The following FSD2 variants were observed in gnomAD, a reference collection of about 807,000 sequenced individuals.
FSD2 encodes the protein fibronectin type III and SPRY domain-containing protein 2.
In FSD2, 71 loss-of-function variants were observed where a neutral mutation model predicts 80.4. The ratio of observed to expected loss-of-function variants is 0.88; its 90% confidence interval spans 0.73 to 1.08. FSD2 has a LOEUF of 1.08. Among genes scored for constraint, FSD2 ranks in the 50% least tolerant of loss-of-function variants. The pLI, the probability that FSD2 is intolerant of heterozygous loss-of-function variation, is 0.00. For synonymous variants in FSD2, 361 were observed against 329.5 expected (o/e 1.10, Z -1.03); for missense variants, 923 against 913.8 (o/e 1.01, Z -0.13).
chr15:82,784,766 C>T (rs1243641082), intron 3 of FSD2, among the ~76,000 whole-genome samples: 5 of 152,016 alleles, frequency 3.3e-5, no homozygotes, highest in Non-Finnish European at 7.4e-5. Context: ...TGGTACCATC[C>T]GAAGCTGCAT....
chr15:82,765,393 C>A, intron 10 of FSD2, 95 bp from the exon 11 acceptor site: 1 of 1,529,818 alleles, frequency 6.5e-7, no homozygotes, highest in Non-Finnish European at 8.9e-7. Context: ...TGGGATACAC[C>A]TAAGCCTGGA....
intron 11 of FSD2, among the ~76,000 whole-genome samples, chr15:82,762,700 A>G (rs12914752): frequency 0.16 from 23,687 of 152,206 alleles, 2,386 homozygotes; most frequent in South Asian, 0.34. Flanking sequence ...TGAGGTAGCC[A>G]TCATGTTAGG....
intron 6 of FSD2, among the ~76,000 whole-genome samples, chr15:82,776,278 C>T (rs2049711096): frequency 6.6e-6 from 1 of 152,078 alleles, no homozygotes; most frequent in African/African-American, 2.4e-5. Context: ...CAGAGTGAAA[C>T]CCTATTTCAA....
intron 6 of FSD2, among the ~76,000 whole-genome samples, chr15:82,778,127 C>CATATATATATATATATATATATATAT (rs34527251): frequency 5.8e-4 from 49 of 83,922 alleles, no homozygotes; most frequent in Non-Finnish European, 7.4e-4. Flanking sequence ...ACAAAAAAAC[C>CATATATATATATATATATATATATAT]ATATATATAT....
chr15:82,794,164 G>A (rs1021939144), intron 1 of FSD2, among the ~76,000 whole-genome samples: 1 of 151,894 alleles, frequency 6.6e-6, no homozygotes, highest in Non-Finnish European at 1.5e-5. Flanking sequence ...TACCCTACAA[G>A]TTTTCATGTT....
chr15:82,776,722 A>C (rs1339336137), intron 6 of FSD2, among the ~76,000 whole-genome samples: 1 of 152,170 alleles, frequency 6.6e-6, no homozygotes, highest in African/African-American at 2.4e-5. Context: ...TTTTTACAGA[A>C]ATAAAAAAAA....
chr15:82,778,513 A>G (rs2049775875), intron 6 of FSD2, among the ~76,000 whole-genome samples: 1 of 151,992 alleles, frequency 6.6e-6, no homozygotes, highest in Non-Finnish European at 1.5e-5. Flanking sequence ...CAGAGAACGG[A>G]ATTGTGGTTG....
Position 82,769,001 on chromosome 15 carries a change from C to T in FSD2, c.1432G>A (p.Glu478Lys), listed in dbSNP as rs751610449. ...APSPPIIKTK[E>K]IRSCEEAVLI... ...ACAGCCTCTTCACAGCTCCTTATCTCTTTGGTTTTAATAATGGGGGGAGAA... is the reference window on the plus strand; with the variant it reads ...ACAGCCTCTTCACAGCTCCTTATCTTTTTGGTTTTAATAATGGGGGGAGAA... The change falls in exon 9 of 13, where the codon GAG becomes AAG. Residue 478 changes from glutamate (E) to lysine (K), a missense_variant. Transcript: ENST00000334574. The T allele has an allele frequency of 3.8e-6, 6 of 1,595,508 alleles. No homozygotes were observed. In the African/African-American group the frequency reaches 8.1e-5, roughly 22 times the overall value.
At chr15:82,799,474 C>T (rs531657624) in intron 1 of FSD2, among the ~76,000 whole-genome samples, 189 of 152,294 alleles carry the variant, frequency 1.2e-3, no homozygotes, top group African/African-American at 4.3e-3. Context: ...TCTATGTCCC[C>T]GTCTTTTCTG....
chr15:82,776,139 T>A (rs1378491334), intron 6 of FSD2, among the ~76,000 whole-genome samples: 1 of 151,924 alleles, frequency 6.6e-6, no homozygotes, highest in East Asian at 1.9e-4. Context: ...TTGAACAAAT[T>A]GTCTGGGTAT....
chr15:82,785,098 T>C (rs2049963393), intron 3 of FSD2, among the ~76,000 whole-genome samples: 2 of 152,126 alleles, frequency 1.3e-5, no homozygotes, highest in South Asian at 2.1e-4. Flanking sequence ...ATATGACTAG[T>C]GGACAAAAGT....
chr15:82,767,433 G>C (rs2049450384), intron 9 of FSD2, among the ~76,000 whole-genome samples: 2 of 152,202 alleles, frequency 1.3e-5, no homozygotes, highest in Admixed American at 6.5e-5. Context: ...ATCTTGAGAG[G>C]GAGGGGAGCT....
chr15:82,777,158 T>A (rs1236280033), intron 6 of FSD2, among the ~76,000 whole-genome samples: 1 of 152,216 alleles, frequency 6.6e-6, no homozygotes, highest in Non-Finnish European at 1.5e-5. Context: ...TTGACATTGG[T>A]CTTGGCAATG....
chr15:82,780,367 C>G, intron 4 of FSD2, 100 bp from the exon 5 acceptor site: 1 of 822,254 alleles, frequency 1.2e-6, no homozygotes, highest in South Asian at 1.8e-5. Context: ...TGGAGTCTCA[C>G]TCTGTCCCCC....
chr15:82,760,739 G>GCACACACACA (rs141943507), intron 12 of FSD2, among the ~76,000 whole-genome samples: 6 of 150,138 alleles, frequency 4.0e-5, no homozygotes, highest in African/African-American at 9.8e-5. Context: ...GTGCGTGCAC[G>GCACACACACA]CACACACACA....
chr15:82,769,952 A>G (rs1023084409), intron 7 of FSD2, 68 bp from the exon 8 acceptor site: 1 of 1,579,254 alleles, frequency 6.3e-7, no homozygotes, highest in Non-Finnish European at 8.7e-7. Flanking sequence ...CATTATGCCG[A>G]ATCCCACAGT....
chr15:82,800,399 G>C (rs2050380481), intron 1 of FSD2, among the ~76,000 whole-genome samples: 1 of 152,042 alleles, frequency 6.6e-6, no homozygotes, highest in Non-Finnish European at 1.5e-5. Flanking sequence ...AATGATAAAA[G>C]CCCCTCAGTC....
chr15:82,779,136 G>A (rs542973652), intron 5 of FSD2, among the ~76,000 whole-genome samples: 1 of 152,220 alleles, frequency 6.6e-6, no homozygotes, highest in East Asian at 1.9e-4. Flanking sequence ...CAGAGGGTGG[G>A]TAGAGGGCGA....
chr15:82,777,253 A>G (rs980622072), intron 6 of FSD2, among the ~76,000 whole-genome samples: 1 of 152,242 alleles, frequency 6.6e-6, no homozygotes, highest in Non-Finnish European at 1.5e-5. Flanking sequence ...TAGCTTTTGC[A>G]TAGCAAAATA....
Sources: gnomAD v4.1 joint callset for allele counts (sites outside exome capture counted in the v4.1 genomes callset) on GRCh38, gnomAD v4.1.1 for gene constraint, MANE v1.5 for transcripts, NCBI Gene and HGNC (gene_info 2026-07-23, HGNC 2026-07-21) for gene names.